Variants in SCOC observed in about 807,000 individuals in gnomAD.
The protein encoded by SCOC is short coiled-coil protein, also known as short coiled coil protein.
A neutral mutation model predicts 9.9 loss-of-function variants in SCOC; 7 were observed. That is an observed-to-expected ratio of 0.71 (90% CI 0.40 to 1.33). The LOEUF (loss-of-function observed/expected upper bound fraction) is 1.33. Among genes scored for constraint, SCOC ranks in the 40% most tolerant of loss-of-function variants. The probability of loss-of-function intolerance (pLI) is 0.01; values close to 1 mark genes in which losing one functional copy is unlikely to be tolerated. For missense variants in SCOC, 66 were observed against 89.7 expected (o/e 0.74, Z 1.07); for synonymous variants, 19 against 28.2 (o/e 0.67, Z 1.03).
At chr4:140,299,415 T>A (rs1316497914) in intron 1 of SCOC, among the ~76,000 whole-genome samples, 1 of 152,180 alleles carries the variant, frequency 6.6e-6, no homozygotes, top group East Asian at 1.9e-4. Flanking sequence ...CACTTTACCA[T>A]TCTTTTCTTT....
At chr4:140,318,966 C>A (rs1043147245) in intron 1 of SCOC, among the ~76,000 whole-genome samples, 2 of 152,112 alleles carry the variant, frequency 1.3e-5, no homozygotes, top group African/African-American at 4.8e-5. Context: ...CTTTTTTCTA[C>A]TCTAGGAAGC....
chr4:140,320,049 G>A (rs1195839360), intron 1 of SCOC, among the ~76,000 whole-genome samples: 6 of 152,198 alleles, frequency 3.9e-5, no homozygotes, highest in Non-Finnish European at 8.8e-5. Context: ...GAGACCTACT[G>A]GGCTGTGTTC....
chr4:140,345,949 A>T (rs1054872407), intron 2 of SCOC, among the ~76,000 whole-genome samples: 2 of 152,198 alleles, frequency 1.3e-5, no homozygotes, highest in African/African-American at 4.8e-5. Flanking sequence ...TCCTTTTAAC[A>T]TCTTATTTCA....
At position 140,382,602 on chromosome 4, in the gene SCOC, T is replaced by C. The variant is rs1728609518; in HGVS notation, c.*1498T>C. The C allele has an allele frequency of 1.3e-5, 2 of 152,762 alleles. No individual in the cohort carries two copies. The highest frequency in any genetic ancestry group is 4.1e-4 in the South Asian group (2 of 4,830). 9.5% of individuals were successfully genotyped at this position (152,762 alleles called of 1,614,324 possible). On this transcript the variant is annotated 3_prime_UTR_variant, in exon 4 of 4. Transcript: ENST00000608372. Reference sequence around the variant, plus strand: ...CCTAAGTAAATGGGGTATTTAGGTATAGTGGTGTATCCAGGGTTATTCAAT... The same window carrying C: ...CCTAAGTAAATGGGGTATTTAGGTACAGTGGTGTATCCAGGGTTATTCAAT...
At chr4:140,373,070 T>A (rs547314404), upstream of SCOC, among the ~76,000 whole-genome samples, 1 of 152,356 alleles carries the variant, frequency 6.6e-6, no homozygotes, top group Non-Finnish European at 1.5e-5. Flanking sequence ...TTAATAATAG[T>A]TTCGGAGGAG....
intron 1 of SCOC, among the ~76,000 whole-genome samples, chr4:140,296,538 T>C (rs983672191): frequency 1.3e-5 from 2 of 152,168 alleles, no homozygotes; most frequent in Non-Finnish European, 2.9e-5. Context: ...CCCTGAAAAG[T>C]GCAGTGGAAA....
chr4:140,369,148 G>A (rs1727932658), upstream of SCOC, among the ~76,000 whole-genome samples: 1 of 152,018 alleles, frequency 6.6e-6, no homozygotes, highest in African/African-American at 2.4e-5. Flanking sequence ...TTTACTTTTG[G>A]TTATTATCAG....
At chr4:140,286,839 C>G (rs1336425973) in intron 1 of SCOC, among the ~76,000 whole-genome samples, 1 of 152,164 alleles carries the variant, frequency 6.6e-6, no homozygotes, top group Non-Finnish European at 1.5e-5. Flanking sequence ...CCAATACTCT[C>G]AAGATCTTGC....
At chr4:140,343,477 C>A in intron 1 of SCOC, 1 of 579,346 alleles carries the variant, frequency 1.7e-6, no homozygotes, top group Middle Eastern at 2.7e-4. Context: ...CAGGTGAGAA[C>A]TTCTCAGGTG....
At chr4:140,304,917 T>C (rs959120228) in intron 1 of SCOC, among the ~76,000 whole-genome samples, 4 of 152,214 alleles carry the variant, frequency 2.6e-5, no homozygotes, top group Non-Finnish European at 1.5e-5. Flanking sequence ...CTCAGAATGA[T>C]GTAGACACGT....
At chr4:140,286,021 C>T (rs973509701) in intron 1 of SCOC, among the ~76,000 whole-genome samples, 3 of 151,948 alleles carry the variant, frequency 2.0e-5, no homozygotes, top group Non-Finnish European at 2.9e-5. Context: ...CCCATCTCTA[C>T]TAAAAATACA....
At chr4:140,289,673 G>A (rs1015925120) in intron 1 of SCOC, among the ~76,000 whole-genome samples, 2 of 152,160 alleles carry the variant, frequency 1.3e-5, no homozygotes, top group African/African-American at 4.8e-5. Context: ...GGCTCCTTAA[G>A]AACTAGTGCC....
At chr4:140,278,249 C>T (rs1218661928) in intron 1 of SCOC, among the ~76,000 whole-genome samples, 1 of 151,862 alleles carries the variant, frequency 6.6e-6, no homozygotes. Context: ...ATGATGCCTT[C>T]TTGCTGTGTC....
At chr4:140,342,547 C>T (rs1726550478), upstream of SCOC, among the ~76,000 whole-genome samples, 1 of 152,078 alleles carries the variant, frequency 6.6e-6, no homozygotes, top group South Asian at 2.1e-4. Flanking sequence ...GGATTTCCAA[C>T]AGCTCACATC....
chr4:140,357,859 C>G (rs540651193), intron 2 of SCOC, among the ~76,000 whole-genome samples: 1 of 30,748 alleles, frequency 3.3e-5, no homozygotes, highest in Admixed American at 3.7e-4. Flanking sequence ...TCGTTATACC[C>G]CACATCTTCT....
chr4:140,280,511 A>G (rs527616957), intron 1 of SCOC, among the ~76,000 whole-genome samples: 5 of 152,130 alleles, frequency 3.3e-5, no homozygotes, highest in African/African-American at 9.6e-5. Context: ...GTTTCTCTTT[A>G]TGCTTCTCTC....
Position 140,356,651 on chromosome 4 carries a change from C to A in SCOC, c.70+12943C>A, listed in dbSNP as rs1727242135. Reference sequence around the variant, plus strand: ...ATCAATAAGTTTGGCAAGAATATAGCAGAATGATACTGTGTTCTTCTCATT... The same window carrying A: ...ATCAATAAGTTTGGCAAGAATATAGAAGAATGATACTGTGTTCTTCTCATT... On this transcript the variant is annotated intron_variant, in intron 2 of 4. Coordinates refer to the SCOC transcript ENST00000338517. Among the ~76,000 whole-genome samples the A allele has an allele frequency of 2.0e-5, 3 of 152,140 alleles. 1 individual carries two copies. The South Asian group carries it at 6.2e-4, about 31-fold the overall frequency.
intron 1 of SCOC, among the ~76,000 whole-genome samples, chr4:140,278,044 T>C (rs1203379694): frequency 6.6e-6 from 1 of 152,262 alleles, no homozygotes; most frequent in Non-Finnish European, 1.5e-5. Flanking sequence ...TTCTGACTTA[T>C]CTAGGTGAAC....
At chr4:140,300,519 G>A (rs1046510964) in intron 1 of SCOC, among the ~76,000 whole-genome samples, 1 of 152,246 alleles carries the variant, frequency 6.6e-6, no homozygotes, top group Admixed American at 6.5e-5. Context: ...ATCACTGGAA[G>A]TTGGCAGATT....
Sources: gnomAD v4.1 joint callset for allele counts (sites outside exome capture counted in the v4.1 genomes callset) on GRCh38, gnomAD v4.1.1 for gene constraint, MANE v1.5 for transcripts, NCBI Gene and HGNC (gene_info 2026-07-23, HGNC 2026-07-21) for gene names.